BANK1: variants seen among roughly 807,000 people sequenced by gnomAD.
BANK1 encodes the protein B cell scaffold protein with ankyrin repeats 1.
Under a neutral mutation model 94.5 loss-of-function variants are expected in BANK1, and 95 were observed. The observed-to-expected ratio is 1.00, with a 90% CI of 0.85 to 1.19. The LOEUF is 1.19. BANK1 is among the 50% of genes most tolerant of loss of function. BANK1 has a pLI of 0.00. For synonymous variants in BANK1, 334 were observed against 308.4 expected, an observed-to-expected ratio of 1.08 and a Z score of -0.87; for missense variants, 987 against 932.2, an observed-to-expected ratio of 1.06 and a Z score of -0.77.
chr4:101,969,866 TA>T (rs1724895767), intron 7 of BANK1, among the ~76,000 whole-genome samples: 1 of 152,118 alleles, frequency 6.6e-6, no homozygotes, highest in Non-Finnish European at 1.5e-5. Context: ...AATTTTCAAA[TA>T]AAATTAATAT....
At chr4:101,791,489 T>A (rs1228136780) in intron 1 of BANK1, among the ~76,000 whole-genome samples, 1 of 152,178 alleles carries the variant, frequency 6.6e-6, no homozygotes, top group African/African-American at 2.4e-5. Context: ...TTTACTAACT[T>A]GGTCAAAGGA....
intron 11 of BANK1, among the ~76,000 whole-genome samples, chr4:102,055,033 A>C (rs1181122650): frequency 2.0e-5 from 3 of 152,086 alleles, no homozygotes; most frequent in African/African-American, 7.2e-5. Flanking sequence ...CTGCTTTAAA[A>C]AGATACATCC....
At position 101,836,971 on chromosome 4, in the gene BANK1, T is replaced by C. The variant is rs563435402; in HGVS notation, c.469+6765T>C. On this transcript the variant is annotated intron_variant, in intron 2 of 16. Coordinates refer to ENST00000322953, the MANE Select transcript of BANK1 (RefSeq NM_017935.5). ...CATTGGCCTAGATCTTCATCTTCCATTTCACAGTCTACTACTAGAACCTCC... is the reference window on the plus strand; with the variant it reads ...CATTGGCCTAGATCTTCATCTTCCACTTCACAGTCTACTACTAGAACCTCC... Among the ~76,000 whole-genome samples the C allele has an allele frequency of 5.9e-5, 9 of 152,318 alleles. No individual in the cohort carries two copies. In the South Asian group the frequency reaches 1.7e-3, roughly 28 times the overall value.
intron 7 of BANK1, among the ~76,000 whole-genome samples, chr4:101,988,096 G>C (rs547492211): frequency 6.6e-6 from 1 of 152,148 alleles, no homozygotes; most frequent in Admixed American, 6.6e-5. Context: ...TGAGATGTTT[G>C]TGGTTGCTAC....
At chr4:101,967,045 A>G (rs919137274) in intron 7 of BANK1, among the ~76,000 whole-genome samples, 1 of 152,110 alleles carries the variant, frequency 6.6e-6, no homozygotes, top group African/African-American at 2.4e-5. Flanking sequence ...AGTCCAATTT[A>G]TTAATCGTTA....
intron 10 of BANK1, among the ~76,000 whole-genome samples, chr4:102,038,453 T>C (rs978625021): frequency 1.3e-5 from 2 of 152,120 alleles, no homozygotes; most frequent in Non-Finnish European, 1.5e-5. Context: ...TGAATACAAA[T>C]GGGTAATAAG....
At chr4:102,040,332 A>AG (rs1727662288) in intron 10 of BANK1, among the ~76,000 whole-genome samples, 6 of 152,126 alleles carry the variant, frequency 3.9e-5, no homozygotes, top group African/African-American at 1.4e-4. Context: ...TAAAATAAAA[A>AG]AGGGTATTAT....
chr4:101,946,379 T>C (rs113199121), intron 7 of BANK1, among the ~76,000 whole-genome samples: 3 of 152,130 alleles, frequency 2.0e-5, no homozygotes, highest in South Asian at 2.1e-4. Flanking sequence ...TCTGTTGTTA[T>C]ATTACTTAAT....
At chr4:101,898,955 T>C (rs1389233104) in intron 6 of BANK1, among the ~76,000 whole-genome samples, 2 of 152,052 alleles carry the variant, frequency 1.3e-5, no homozygotes, top group Non-Finnish European at 2.9e-5. Flanking sequence ...AGAAGACTTT[T>C]AGCAAGTGAG....
At chr4:102,072,469 C>G in intron 15 of BANK1, 69 bp downstream of exon 15, 1 of 1,168,532 alleles carries the variant, frequency 8.6e-7, no homozygotes, top group African/African-American at 1.5e-5. Context: ...AACATGAGAG[C>G]CTTCTATCCT....
At chr4:101,994,973 A>G (rs568537686) in intron 7 of BANK1, among the ~76,000 whole-genome samples, 4 of 152,156 alleles carry the variant, frequency 2.6e-5, no homozygotes, top group South Asian at 4.2e-4. Context: ...TTATACTTTA[A>G]GTTTTGGGAG....
intron 7 of BANK1, among the ~76,000 whole-genome samples, chr4:101,926,680 A>G (rs1033208442): frequency 6.6e-6 from 1 of 151,810 alleles, no homozygotes; most frequent in African/African-American, 2.4e-5. Flanking sequence ...AAAGAACCAC[A>G]TTGCATAAAG....
At chr4:102,002,665 A>G (rs1261373720) in intron 7 of BANK1, among the ~76,000 whole-genome samples, 2 of 152,170 alleles carry the variant, frequency 1.3e-5, no homozygotes, top group African/African-American at 4.8e-5. Flanking sequence ...CCTATAACTC[A>G]CAGAGCTTCA....
intron 11 of BANK1, among the ~76,000 whole-genome samples, chr4:102,044,227 T>G (rs1413521066): frequency 6.6e-6 from 1 of 152,068 alleles, no homozygotes; most frequent in Non-Finnish European, 1.5e-5. Flanking sequence ...TTCCCCTTCC[T>G]GTGTCCATGT....
At chr4:101,996,783 A>G (rs1725893701) in intron 7 of BANK1, among the ~76,000 whole-genome samples, 1 of 152,200 alleles carries the variant, frequency 6.6e-6, no homozygotes, top group African/African-American at 2.4e-5. Context: ...TTGATTTTGT[A>G]TCCTGACACT....
chr4:101,848,151 C>T (rs1437467455), intron 2 of BANK1, among the ~76,000 whole-genome samples: 2 of 152,114 alleles, frequency 1.3e-5, no homozygotes, highest in East Asian at 1.9e-4. Flanking sequence ...GCTGTGTGTT[C>T]GGGAGAGGAG....
rs1396687482 is a variant in BANK1 at position 102,025,473 on chromosome 4, G to A, written c.1558G>A (p.Ala520Thr). The stretch of plus-strand genomic sequence containing the variant: ...CCCCCCGCCGCGACCTGTAGCTAAT[G>A]CCTTCCAACTGGAAAGACCTCACTT... Reference protein sequence around the residue: ...PLPPPRPVANAFQLERPHFTL... With the variant: ...PLPPPRPVANTFQLERPHFTL... The change falls in exon 9 of 17, where the codon GCC becomes ACC. Residue 520 changes from alanine (A) to threonine (T), a missense_variant. Transcript: ENST00000322953. 6 of 1,613,838 alleles carry A rather than the reference G, an allele frequency of 3.7e-6. No homozygotes were observed. The African/African-American group carries it at 4.0e-5, about 11-fold the overall frequency.
At chr4:102,030,692 T>C (rs957914739) in intron 10 of BANK1, among the ~76,000 whole-genome samples, 2 of 151,970 alleles carry the variant, frequency 1.3e-5, no homozygotes, top group African/African-American at 2.4e-5. Context: ...ATGCAGTGTT[T>C]GGTTTTCTGT....
intron 7 of BANK1, among the ~76,000 whole-genome samples, chr4:101,933,508 G>A (rs73836674): frequency 8.1e-4 from 122 of 151,540 alleles, no homozygotes; most frequent in African/African-American, 2.8e-3. Context: ...CAGGGCAGTG[G>A]TTCTCACTAT....
Sources: allele counts gnomAD v4.1 joint callset (sites outside exome capture counted in the v4.1 genomes callset), GRCh38; gene constraint gnomAD v4.1.1; transcripts MANE v1.5; gene names NCBI Gene and HGNC (gene_info 2026-07-23, HGNC 2026-07-21).